The following CABIN1 variants were observed in gnomAD, a reference collection of about 807,000 sequenced individuals.
CABIN1 encodes the protein calcineurin-binding protein cabin-1.
In CABIN1, 133 loss-of-function variants were observed where a neutral mutation model predicts 227.7. That is an observed-to-expected ratio of 0.58 (90% CI 0.51 to 0.67). The LOEUF (loss-of-function observed/expected upper bound fraction) is 0.67, where lower values mean the gene tolerates loss of function less well. Ranked by LOEUF, CABIN1 falls within the 30% of genes least tolerant of loss-of-function variation. The pLI, the probability that CABIN1 is intolerant of heterozygous loss-of-function variation, is 0.00. For synonymous variants in CABIN1, 1,086 were observed against 1,155.1 expected, an observed-to-expected ratio of 0.94 and a Z score of 1.21; for missense variants, 2,408 against 2,852.5, an observed-to-expected ratio of 0.84 and a Z score of 3.55.
intron 27 of CABIN1, among the ~76,000 whole-genome samples, chr22:24,114,072 T>C (rs1474395133): frequency 2.0e-5 from 3 of 151,592 alleles, no homozygotes. Context: ...TTGTTGTTGT[T>C]GTTGTTGTTG....
chr22:24,099,671 C>G (rs1299521905), intron 26 of CABIN1, among the ~76,000 whole-genome samples: 1 of 152,236 alleles, frequency 6.6e-6, no homozygotes, highest in Non-Finnish European at 1.5e-5. Flanking sequence ...CAAACCCCTT[C>G]TCAGGGAATT....
At chr22:24,098,290 G>A (rs540800005) in intron 26 of CABIN1, 98 bp downstream of exon 26, 1 of 1,567,326 alleles carries the variant, frequency 6.4e-7, no homozygotes, top group African/African-American at 1.3e-5. Context: ...TTGGTGAGGG[G>A]GGGTGCTGGG....
intron 1 of CABIN1, among the ~76,000 whole-genome samples, chr22:24,017,164 G>A (rs1297619369): frequency 6.6e-6 from 1 of 150,620 alleles, no homozygotes; most frequent in Non-Finnish European, 1.5e-5. Flanking sequence ...AGCCTCCCGA[G>A]TAGCTGGGAC....
chr22:24,164,441 C>T lies in CABIN1; in HGVS notation c.4788C>T (p.Gly1596=). 1.9e-6 allele frequency: 3 copies of T among 1,605,406 alleles called. No individual in the cohort carries two copies. The highest frequency in any genetic ancestry group is 1.7e-6 in the Non-Finnish European group (2 of 1,179,964). ...CCGTGGACGAGATTGACCGGCCGGG[C>T]AGCTTTGCCTGGCACATGAACCGCT... ...RIPVDEIDRP[G]SFAWHMNRSI... is the part of the protein sequence containing the mutation. Residue 1596 remains glycine (G), a synonymous_variant, in exon 30 of 37, where the codon GGC becomes GGT. Transcript: ENST00000263119.
chr22:24,026,949 C>G (rs1413355719), intron 1 of CABIN1, among the ~76,000 whole-genome samples: 1 of 152,174 alleles, frequency 6.6e-6, no homozygotes, highest in Non-Finnish European at 1.5e-5. Context: ...TGGGATTGCA[C>G]TAAATCTGTA....
intron 15 of CABIN1, among the ~76,000 whole-genome samples, chr22:24,064,806 C>T (rs1285051955): frequency 1.3e-5 from 2 of 152,020 alleles, no homozygotes; most frequent in Non-Finnish European, 2.9e-5. Flanking sequence ...GGACACAGCA[C>T]ATGTTTCAGA....
At chr22:24,134,252 G>A (rs375320991) in intron 28 of CABIN1, 50 bp from the exon 29 acceptor site, 45 of 1,404,046 alleles carry the variant, frequency 3.2e-5, no homozygotes, top group African/African-American at 7.1e-5. Context: ...CCCTGTGGGC[G>A]CCCTGAGCAG....
chr22:24,029,304 C>T (rs1426787583), intron 1 of CABIN1, among the ~76,000 whole-genome samples: 6 of 152,184 alleles, frequency 3.9e-5, no homozygotes, highest in Admixed American at 3.9e-4. Context: ...CAGTGAGCCT[C>T]AAGCCAAGGC....
At chr22:24,085,263 AC>A (rs1181274956) in intron 22 of CABIN1, 112 bp downstream of exon 22, 5 of 1,136,412 alleles carry the variant, frequency 4.4e-6, no homozygotes, top group Non-Finnish European at 6.5e-6. Context: ...TTGCAAAGAG[AC>A]CAGGGAAAAC....
chr22:24,158,890 G>A (rs2045989525), intron 29 of CABIN1, among the ~76,000 whole-genome samples: 1 of 152,126 alleles, frequency 6.6e-6, no homozygotes, highest in African/African-American at 2.4e-5. Context: ...ACATGAGGGA[G>A]GACAAGACAC....
intron 28 of CABIN1, among the ~76,000 whole-genome samples, chr22:24,121,941 C>G (rs531370861): frequency 6.6e-6 from 1 of 152,070 alleles, no homozygotes; most frequent in Non-Finnish European, 1.5e-5. Flanking sequence ...AGGCAGATGT[C>G]GAGATGGAAT....
chr22:24,095,496 G>A (rs2041836622), intron 24 of CABIN1, among the ~76,000 whole-genome samples: 1 of 151,892 alleles, frequency 6.6e-6, no homozygotes, highest in East Asian at 1.9e-4. Flanking sequence ...TGGGGGCTGG[G>A]CTATAAACAG....
intron 13 of CABIN1, 87 bp from the exon 14 acceptor site, chr22:24,062,872 T>A: frequency 1.5e-6 from 2 of 1,293,528 alleles, no homozygotes; most frequent in South Asian, 1.2e-5. Flanking sequence ...AGGGTGGGTG[T>A]GGTTAGGGCC....
chr22:24,142,004 G>T (rs1203648786), intron 29 of CABIN1, among the ~76,000 whole-genome samples: 2 of 152,112 alleles, frequency 1.3e-5, no homozygotes, highest in Admixed American at 6.5e-5. Flanking sequence ...GGGAAGGAGA[G>T]AAAGTCTCCA....
chr22:24,043,764 A>C (rs956287908), intron 6 of CABIN1, among the ~76,000 whole-genome samples: 3 of 152,174 alleles, frequency 2.0e-5, no homozygotes, highest in African/African-American at 7.2e-5. Flanking sequence ...AAACAAAACA[A>C]AACAAAAATC....
chr22:24,172,241 G>T (rs2046860127), intron 34 of CABIN1, among the ~76,000 whole-genome samples: 1 of 152,226 alleles, frequency 6.6e-6, no homozygotes, highest in South Asian at 2.1e-4. Context: ...CTGTGAAAGG[G>T]GGTGGTGAGG....
chr22:24,017,600 C>T (rs73399660), intron 1 of CABIN1, among the ~76,000 whole-genome samples: 1,660 of 152,256 alleles, frequency 0.011, 21 homozygotes, highest in African/African-American at 0.037. Flanking sequence ...TTATGACTGG[C>T]TTATTCGACT....
chr22:24,096,747 C>T (rs1052641117), intron 25 of CABIN1, among the ~76,000 whole-genome samples: 3 of 152,246 alleles, frequency 2.0e-5, no homozygotes, highest in Admixed American at 1.3e-4. Context: ...CTGATGGACT[C>T]ATGCTGATTC....
chr22:24,053,556 TC>T (rs1238016743), intron 8 of CABIN1, among the ~76,000 whole-genome samples: 1 of 151,846 alleles, frequency 6.6e-6, no homozygotes, highest in African/African-American at 2.4e-5. Flanking sequence ...TTTTGGTATT[TC>T]TAGTAGAAAC....
Sources: gnomAD v4.1 joint callset for allele counts (sites outside exome capture counted in the v4.1 genomes callset) on GRCh38, gnomAD v4.1.1 for gene constraint, MANE v1.5 for transcripts, NCBI Gene and HGNC (gene_info 2026-07-23, HGNC 2026-07-21) for gene names.